MEMO1: variants seen among roughly 807,000 people sequenced by gnomAD.
MEMO1 encodes protein MEMO1.
A neutral mutation model predicts 45.2 loss-of-function variants in MEMO1; 6 were observed. The ratio of observed to expected loss-of-function variants is 0.13; its 90% CI spans 0.07 to 0.26. The LOEUF is 0.26. Among genes scored for constraint, MEMO1 ranks in the 10% least tolerant of loss-of-function variants. The pLI is 1.00. For synonymous variants in MEMO1, 78 were observed against 124.3 expected (o/e 0.63, Z 2.48); for missense variants, 184 against 370.5 (o/e 0.50, Z 4.13).
chr2:31,893,370 G>A (rs910465037), intron 6 of MEMO1: 9 of 1,127,620 alleles, frequency 8.0e-6, no homozygotes, highest in Non-Finnish European at 8.9e-6. Flanking sequence ...GCTGCCACAG[G>A]ATCTCTTTCT....
intron 4 of MEMO1, among the ~76,000 whole-genome samples, chr2:31,922,343 GAAA>G (rs748280495): frequency 4.2e-5 from 5 of 118,668 alleles, no homozygotes; most frequent in African/African-American, 3.1e-5. Context: ...GTTCTGCTAT[GAAA>G]AAAAAAAAAA....
intron 6 of MEMO1, among the ~76,000 whole-genome samples, chr2:31,895,837 CTTTTTTTTTTTT>C (rs71412853): frequency 2.4e-5 from 2 of 84,742 alleles, no homozygotes; most frequent in African/African-American, 9.5e-5. Flanking sequence ...AGAAAAAAAT[CTTTTTTTTTTTT>C]TTTTTTTTTT....
intron 2 of MEMO1, among the ~76,000 whole-genome samples, chr2:31,987,401 A>C (rs919606268): frequency 5.9e-5 from 9 of 152,186 alleles, no homozygotes; most frequent in Admixed American, 2.0e-4. Context: ...CTGAAATAAG[A>C]AGCTTACGTA....
At chr2:31,956,353 AGG>A (rs762531537) in intron 2 of MEMO1, among the ~76,000 whole-genome samples, 1 of 152,070 alleles carries the variant, frequency 6.6e-6, no homozygotes, top group Non-Finnish European at 1.5e-5. Flanking sequence ...AAAAAAAAAA[AGG>A]AGTTTCTTAA....
chr2:31,991,788 A>G (rs1671985179), intron 2 of MEMO1, among the ~76,000 whole-genome samples: 1 of 152,198 alleles, frequency 6.6e-6, no homozygotes, highest in South Asian at 2.1e-4. Context: ...AAACGCTCAT[A>G]CTAGAAGAGT....
At chr2:32,003,882 T>C (rs561939213) in intron 2 of MEMO1, among the ~76,000 whole-genome samples, 7 of 151,992 alleles carry the variant, frequency 4.6e-5, no homozygotes, top group Non-Finnish European at 1.0e-4. Context: ...TGAGACACCA[T>C]CTCTACAAAA....
intron 2 of MEMO1, among the ~76,000 whole-genome samples, chr2:31,990,233 T>A (rs191377050): frequency 6.6e-6 from 1 of 152,216 alleles, no homozygotes; most frequent in Non-Finnish European, 1.5e-5. Flanking sequence ...GTAGCAGATA[T>A]GAGAATCCAG....
At chr2:31,964,453 T>C (rs1668375126) in intron 2 of MEMO1, among the ~76,000 whole-genome samples, 1 of 152,010 alleles carries the variant, frequency 6.6e-6, no homozygotes, top group Admixed American at 6.6e-5. Flanking sequence ...TTCCAGAACT[T>C]TGGGAGGCCG....
At chr2:31,998,268 C>T (rs1672843835) in intron 2 of MEMO1, among the ~76,000 whole-genome samples, 1 of 152,174 alleles carries the variant, frequency 6.6e-6, no homozygotes, top group Admixed American at 6.5e-5. Flanking sequence ...CCACCTCGGC[C>T]TCCCAAAGTG....
intron 8 of MEMO1, among the ~76,000 whole-genome samples, chr2:31,873,526 T>G (rs1250977813): frequency 6.6e-6 from 1 of 152,072 alleles, no homozygotes; most frequent in Admixed American, 6.6e-5. Flanking sequence ...AGACAACAAA[T>G]TATCTTCCCT....
intron 2 of MEMO1, among the ~76,000 whole-genome samples, chr2:32,002,356 T>C (rs188762601): frequency 4.0e-5 from 6 of 149,392 alleles, no homozygotes; most frequent in Admixed American, 2.7e-4. Flanking sequence ...TACATACATA[T>C]GTATGAGGAA....
At chr2:31,963,233 T>C (rs888183953) in intron 2 of MEMO1, 10 of 1,547,020 alleles carry the variant, frequency 6.5e-6, no homozygotes, top group Non-Finnish European at 8.7e-6. Flanking sequence ...CAGCCCTCCA[T>C]AATGGCATGA....
At chr2:31,913,480 T>C (rs977021949) in intron 6 of MEMO1, among the ~76,000 whole-genome samples, 2 of 151,406 alleles carry the variant, frequency 1.3e-5, no homozygotes, top group African/African-American at 4.8e-5. Flanking sequence ...GAAAAGCAGT[T>C]TAAAACAAGA....
intron 2 of MEMO1, among the ~76,000 whole-genome samples, chr2:31,967,036 GTTA>G (rs1297580342): frequency 1.3e-5 from 2 of 151,786 alleles, no homozygotes; most frequent in Non-Finnish European, 1.5e-5. Context: ...CTGTTTTGTA[GTTA>G]TTGACATAAT....
intron 2 of MEMO1, among the ~76,000 whole-genome samples, chr2:31,956,204 T>C (rs1667393993): frequency 6.6e-6 from 1 of 152,172 alleles, no homozygotes; most frequent in Non-Finnish European, 1.5e-5. Flanking sequence ...GTAGTAGTAA[T>C]CAGGATAATT....
intron 4 of MEMO1, chr2:31,923,835 AG>A: frequency 7.6e-7 from 1 of 1,319,618 alleles, no homozygotes; most frequent in South Asian, 1.8e-5. Context: ...TTCTAACAAT[AG>A]CCAAAAGATA....
chr2:31,947,821 A>G (rs1033683385), intron 2 of MEMO1, among the ~76,000 whole-genome samples: 1 of 152,198 alleles, frequency 6.6e-6, no homozygotes, highest in African/African-American at 2.4e-5. Flanking sequence ...ATACGCACAC[A>G]CACACACACC....
Position 31,961,554 on chromosome 2 carries a change from G to A in MEMO1, c.62-18171C>T, listed in dbSNP as rs748951505. Among the ~76,000 whole-genome samples the A allele has an allele frequency of 2.7e-4, 41 of 151,968 alleles. 1 individual carries two copies. The highest frequency in any genetic ancestry group is 5.3e-4 in the Non-Finnish European group (36 of 67,990). ...TAGGCAGGCGAATTGCTTGAGCTCC[G>A]GATTTCAAGACCAGCCTGGGCAACA... On this transcript the variant is annotated intron_variant, in intron 2 of 9. Coordinates refer to ENST00000404530, the MANE Select transcript of MEMO1 (RefSeq NM_001301833.4).
intron 2 of MEMO1, among the ~76,000 whole-genome samples, chr2:31,977,163 A>G (rs1467362199): frequency 2.0e-5 from 3 of 152,212 alleles, no homozygotes; most frequent in Non-Finnish European, 4.4e-5. Flanking sequence ...ACAAAAGCAT[A>G]GAAGTGGATA....
Sources: gnomAD v4.1 joint callset for allele counts (sites outside exome capture counted in the v4.1 genomes callset) on GRCh38, gnomAD v4.1.1 for gene constraint, MANE v1.5 for transcripts, NCBI Gene and HGNC (gene_info 2026-07-23, HGNC 2026-07-21) for gene names.